The following URGCP variants were observed in gnomAD, a reference collection of about 807,000 sequenced individuals.
URGCP encodes up-regulator of cell proliferation.
In URGCP, 13 loss-of-function variants were observed where a neutral mutation model predicts 24.6. The ratio of observed to expected loss-of-function variants is 0.53; its 90% CI spans 0.34 to 0.84. The LOEUF (loss-of-function observed/expected upper bound fraction) is 0.84. Among genes scored for constraint, URGCP ranks in the 40% least tolerant of loss-of-function variants. The pLI is 0.01. For synonymous variants in URGCP, 444 were observed against 487.2 expected, an observed-to-expected ratio of 0.91 and a Z score of 1.17; for missense variants, 899 against 1,194.3, an observed-to-expected ratio of 0.75 and a Z score of 3.64.
chr7:43,913,412 G>T (rs1418856311), intron 1 of URGCP, among the ~76,000 whole-genome samples: 2 of 151,594 alleles, frequency 1.3e-5, no homozygotes, highest in African/African-American at 4.8e-5. Flanking sequence ...TAGAGACGGG[G>T]TTTCACCGTG....
chr7:43,901,730 G>A (rs959789037), intron 1 of URGCP, among the ~76,000 whole-genome samples: 5 of 152,172 alleles, frequency 3.3e-5, no homozygotes, highest in Non-Finnish European at 7.3e-5. Context: ...GTGAGCTCTA[G>A]GGCTGTGGCC....
intron 1 of URGCP, among the ~76,000 whole-genome samples, chr7:43,921,520 A>C (rs1440196768): frequency 1.3e-5 from 2 of 152,196 alleles, no homozygotes; most frequent in Admixed American, 6.5e-5. Context: ...TCTAAATTAT[A>C]CGGGACAGAT....
intron 1 of URGCP, among the ~76,000 whole-genome samples, chr7:43,896,454 CAAAAA>C (rs34790770): frequency 1.2e-5 from 1 of 85,138 alleles, no homozygotes; most frequent in Non-Finnish European, 2.4e-5. Context: ...GACTCTGTCT[CAAAAA>C]AAAAAAAAAA....
intron 1 of URGCP, among the ~76,000 whole-genome samples, chr7:43,891,916 A>C (rs967670541): frequency 6.6e-6 from 1 of 151,732 alleles, no homozygotes; most frequent in Non-Finnish European, 1.5e-5. Flanking sequence ...TGAGTAGCTG[A>C]GATTACAGCC....
chr7:43,918,945 A>G (rs2095918860), intron 1 of URGCP: 1 of 1,372,444 alleles, frequency 7.3e-7, no homozygotes, highest in African/African-American at 1.4e-5. Flanking sequence ...CCCCTGTGCC[A>G]AGCTCTACAA....
In URGCP at chr7:43,887,674, A is replaced by G. The variant is rs973303143; in HGVS notation, c.41+116T>C. Reference sequence around the variant, plus strand: ...ATCACTGCTTTTAAAAGTGCCCTCAATGATTCTGATATGCACCCACAGTTG... The same window carrying G: ...ATCACTGCTTTTAAAAGTGCCCTCAGTGATTCTGATATGCACCCACAGTTG... On this transcript the variant is annotated intron_variant, in intron 2 of 5. Transcript: ENST00000453200. 1.0e-5 allele frequency: 15 copies of G among 1,494,236 alleles called. No homozygotes were observed. The African/African-American group carries it at 1.3e-4, about 13-fold the overall frequency. The allele number at this position is 1,494,236 out of a possible 1,614,324, so 92.6% of individuals were successfully genotyped here. A position where few individuals can be genotyped will look rare whatever the true frequency, so the allele number is the denominator to read the frequency against.
rs749582162 is a variant in URGCP, at chr7:43,918,957, C to G, written c.-116+7175G>C. ...CTCCCCCTGTGCCAAGCTCTACAACCCAGAGAACATCTACCTGTCGGAGCA... is the reference window on the plus strand; with the variant it reads ...CTCCCCCTGTGCCAAGCTCTACAACGCAGAGAACATCTACCTGTCGGAGCA... On this transcript the variant is annotated intron_variant, in intron 1 of 5. Transcript: ENST00000426198. The G allele has an allele frequency of 2.1e-5, 28 of 1,345,790 alleles. No individual in the cohort carries two copies. The Middle Eastern group carries it at 5.4e-4, about 26-fold the overall frequency. 83.4% of individuals were successfully genotyped at this position (1,345,790 alleles called of 1,614,324 possible). A position where few individuals can be genotyped will look rare whatever the true frequency, so the allele number is the denominator to read the frequency against.
At chr7:43,906,429 G>C (rs1039237679) in intron 1 of URGCP, 133 bp downstream of exon 1, 31 of 986,542 alleles carry the variant, frequency 3.1e-5, no homozygotes, top group Non-Finnish European at 3.8e-5. Flanking sequence ...TGGTGGGCCT[G>C]GCGGGCGGGG....
upstream of URGCP, among the ~76,000 whole-genome samples, chr7:43,907,796 T>C (rs891973010): frequency 5.9e-5 from 9 of 152,356 alleles, no homozygotes; most frequent in African/African-American, 2.2e-4. Context: ...TTAGTAAACA[T>C]TGCGTGATGC....
upstream of URGCP, among the ~76,000 whole-genome samples, chr7:43,908,595 C>T (rs2095906730): frequency 6.6e-6 from 1 of 152,166 alleles, no homozygotes; most frequent in Non-Finnish European, 1.5e-5. Context: ...TTTTCTTGCC[C>T]TCCCTGTAAG....
At chr7:43,896,208 G>C (rs534808534) in intron 1 of URGCP, among the ~76,000 whole-genome samples, 2 of 152,184 alleles carry the variant, frequency 1.3e-5, no homozygotes, top group East Asian at 1.9e-4. Flanking sequence ...GGTTGGTTAA[G>C]ATACAAAATT....
intron 1 of URGCP, among the ~76,000 whole-genome samples, chr7:43,916,721 C>CT (rs2095915982): frequency 7.5e-6 from 1 of 133,722 alleles, no homozygotes; most frequent in South Asian, 2.7e-4. Flanking sequence ...ACCCCCCCCC[C>CT]CCACATAACA....
At chr7:43,894,379 C>T (rs1242188655) in intron 1 of URGCP, among the ~76,000 whole-genome samples, 2 of 152,248 alleles carry the variant, frequency 1.3e-5, no homozygotes, top group East Asian at 3.9e-4. Context: ...GAGACACTCT[C>T]GTTCTGTTGC....
chr7:43,883,962 C>A lies in URGCP; in HGVS notation c.113-2005G>T, dbSNP rs954047124. Among the ~76,000 whole-genome samples, 6 of 152,228 alleles carry A rather than the reference C, an allele frequency of 3.9e-5. 1 individual carries two copies. The highest frequency in any genetic ancestry group is 1.4e-4 in the African/African-American group (6 of 41,532). On this transcript the variant is annotated intron_variant, in intron 3 of 5. Coordinates refer to ENST00000453200, the MANE Select transcript of URGCP (RefSeq NM_001077663.3). Reference sequence around the variant, plus strand: ...ATCAGAACAAATTTTCCAAGGAACCCAAAATGCCCTGTGAGGAGAGAAAAT... The same window carrying A: ...ATCAGAACAAATTTTCCAAGGAACCAAAAATGCCCTGTGAGGAGAGAAAAT...
rs750280938 is a variant in URGCP, at chr7:43,878,993, T to TA, written c.469dup (p.Tyr157LeufsTer6). 6.2e-7 allele frequency: 1 copy of TA among 1,614,174 alleles called. No individual in the cohort carries two copies. Among genetic ancestry groups the TA allele is most frequent in the South Asian group, 1.1e-5 (1 of 91,080 alleles). ...AGCAAGGTCATCAGCTGGGTCCCAGTAGATGATCTCCTCTTCCATCTGGCT... is the reference window on the plus strand; with the variant it reads ...AGCAAGGTCATCAGCTGGGTCCCAGTAAGATGATCTCCTCTTCCATCTGGCT... On this transcript the variant is annotated frameshift_variant, in exon 6 of 6. Transcript: ENST00000453200. LOFTEE classifies it low-confidence loss of function (END_TRUNC). This position sits in a 1 kb window ranked among gnomAD's most constrained non-coding sequence, Gnocchi z 5.6.
At position 43,879,159 on chromosome 7, in the gene URGCP, T is replaced by G; in HGVS notation, c.304A>C (p.Ser102Arg). 1.2e-6 allele frequency: 2 copies of G among 1,614,198 alleles called. No homozygotes were observed. Among genetic ancestry groups the G allele is most frequent in the Middle Eastern group, 1.7e-4 (1 of 6,058 alleles). ...LQDSLQISFD[S>R]MKNWAPQVPK... Reference sequence around the variant, plus strand: ...ACCTGAGGGGCCCAGTTCTTCATACTGTCAAAACTGATCTGCAGAGAGTCC... The same window carrying G: ...ACCTGAGGGGCCCAGTTCTTCATACGGTCAAAACTGATCTGCAGAGAGTCC... Residue 102 changes from serine (S) to arginine (R), a missense_variant, in exon 6 of 6, where the codon AGT becomes CGT. By Grantham distance (110) the Ser-to-Arg change is moderately radical. Coordinates refer to ENST00000453200, the MANE Select transcript of URGCP (RefSeq NM_001077663.3).
intron 1 of URGCP, among the ~76,000 whole-genome samples, chr7:43,896,154 G>A (rs1562581713): frequency 6.6e-6 from 1 of 152,150 alleles, no homozygotes. Flanking sequence ...TAGAATTGTG[G>A]TTATTAGAGA....
intron 1 of URGCP, among the ~76,000 whole-genome samples, chr7:43,912,740 T>A (rs575476600): frequency 6.6e-6 from 1 of 152,360 alleles, no homozygotes; most frequent in Non-Finnish European, 1.5e-5. Flanking sequence ...TATTCTTTAA[T>A]ATTTTGTAGC....
intron 1 of URGCP, among the ~76,000 whole-genome samples, chr7:43,894,035 T>C (rs188483654): frequency 1.7e-3 from 256 of 152,240 alleles, no homozygotes; most frequent in Non-Finnish European, 2.4e-3. Flanking sequence ...AGCAAGAGGA[T>C]ATAACAATTG....
Sources: gnomAD v4.1 joint callset for allele counts (sites outside exome capture counted in the v4.1 genomes callset) on GRCh38, gnomAD v4.1.1 for gene constraint, Gnocchi (gnomAD v3.1) non-coding constraint, MANE v1.5 for transcripts, NCBI Gene and HGNC (gene_info 2026-07-23, HGNC 2026-07-21) for gene names.